Variants in TSGA10 observed in about 807,000 individuals in gnomAD.
TSGA10 encodes testis specific 10, also known as testis-specific gene 10 protein.
In TSGA10, 43 loss-of-function variants were observed where a neutral mutation model predicts 96.6. The observed-to-expected ratio is 0.44, with a 90% CI of 0.35 to 0.57. The LOEUF (loss-of-function observed/expected upper bound fraction) is 0.57, where lower values mean the gene tolerates loss of function less well. TSGA10 is among the 20% of genes least tolerant of loss of function. The pLI, the probability that TSGA10 is intolerant of heterozygous loss-of-function variation, is 0.01. For missense variants in TSGA10, 703 were observed against 834.4 expected (o/e 0.84, Z 1.94); for synonymous variants, 229 against 269.9 (o/e 0.85, Z 1.48).
chr2:99,060,895 C>A (rs1480911252), intron 16 of TSGA10, among the ~76,000 whole-genome samples: 1 of 152,080 alleles, frequency 6.6e-6, no homozygotes, highest in Non-Finnish European at 1.5e-5. Context: ...GAACCTTGAC[C>A]CTTATCTTAC....
intron 17 of TSGA10, 69 bp from the exon 18 acceptor site, chr2:99,020,551 C>T: frequency 1.6e-6 from 2 of 1,212,256 alleles, no homozygotes; most frequent in Non-Finnish European, 2.3e-6. Context: ...TTATCAGGGA[C>T]TCACAAAATT....
At chr2:99,042,825 T>C (rs1453456450) in intron 16 of TSGA10, among the ~76,000 whole-genome samples, 1 of 151,890 alleles carries the variant, frequency 6.6e-6, no homozygotes, top group Non-Finnish European at 1.5e-5. Flanking sequence ...TGCCTCAGCC[T>C]CTCAAGTAGC....
intron 20 of TSGA10, among the ~76,000 whole-genome samples, chr2:99,002,340 T>C (rs1400360327): frequency 6.6e-6 from 1 of 152,184 alleles, no homozygotes; most frequent in Non-Finnish European, 1.5e-5. Context: ...TCAACATTCT[T>C]AAAGAAAAGA....
At chr2:99,010,345 G>C (rs935100171) in intron 20 of TSGA10, among the ~76,000 whole-genome samples, 1 of 152,166 alleles carries the variant, frequency 6.6e-6, no homozygotes, top group Non-Finnish European at 1.5e-5. Context: ...AAAACCAAAA[G>C]AATTCACATA....
chr2:99,047,519 C>A lies in TSGA10; in HGVS notation c.1405-12080G>T, dbSNP rs192917006. On this transcript the variant is annotated intron_variant, in intron 16 of 20. Coordinates refer to ENST00000393483, the MANE Select transcript of TSGA10 (RefSeq NM_025244.4). ...TGCAGAAAAGGCCTTTGACAAAATT[C>A]AACAGCTCTTCATGCTAAAAACTCT... Among the ~76,000 whole-genome samples, 319 of 152,298 alleles carry A rather than the reference C, an allele frequency of 2.1e-3. 1 individual carries two copies. Among genetic ancestry groups the A allele is most frequent in the South Asian group, 3.7e-3 (18 of 4,830 alleles).
intron 7 of TSGA10, 68 bp downstream of exon 7, chr2:99,108,764 TC>T (rs2091563059): frequency 1.7e-6 from 2 of 1,209,776 alleles, no homozygotes; most frequent in Non-Finnish European, 2.2e-6. Flanking sequence ...CTCATAAAAC[TC>T]AAAGAAGAAT....
intron 1 of TSGA10, among the ~76,000 whole-genome samples, chr2:99,131,193 GAAT>G (rs1238265740): frequency 6.6e-6 from 1 of 152,030 alleles, no homozygotes; most frequent in Non-Finnish European, 1.5e-5. Context: ...GGACAGCATT[GAAT>G]CTATAAAATA....
chr2:99,142,318 C>A lies in TSGA10; in HGVS notation c.-621+12375G>T, dbSNP rs140302633. ...GACACTAGGTTTTTACAGCAATTCT[C>A]TGATGACCTTGATATGGTAGAACGC... On this transcript the variant is annotated intron_variant, in intron 1 of 20. Transcript: ENST00000393483. 103 of 152,310 alleles carry A rather than the reference C, an allele frequency of 6.8e-4. 1 individual carries two copies. The highest frequency in any genetic ancestry group is 2.3e-3 in the African/African-American group (97 of 41,570). 9.4% of individuals were successfully genotyped at this position (152,310 alleles called of 1,614,324 possible). A position where few individuals can be genotyped will look rare whatever the true frequency, so the allele number is the denominator to read the frequency against.
At chr2:99,014,547 G>A (rs1200112554) in intron 20 of TSGA10, among the ~76,000 whole-genome samples, 2 of 152,070 alleles carry the variant, frequency 1.3e-5, no homozygotes, top group African/African-American at 4.8e-5. Context: ...GTTTGAAAGA[G>A]CACAAATAGA....
chr2:98,999,980 T>C (rs1244318957), intron 20 of TSGA10, among the ~76,000 whole-genome samples: 1 of 152,212 alleles, frequency 6.6e-6, no homozygotes, highest in Non-Finnish European at 1.5e-5. Context: ...GGTCTGTAAC[T>C]CCTAGGCTCA....
At chr2:99,067,505 A>G (rs1273855785) in intron 15 of TSGA10, among the ~76,000 whole-genome samples, 1 of 152,224 alleles carries the variant, frequency 6.6e-6, no homozygotes, top group African/African-American at 2.4e-5. Flanking sequence ...TGTTACTAAC[A>G]GACAAGGGAG....
At chr2:99,041,933 T>C (rs1345865067) in intron 16 of TSGA10, among the ~76,000 whole-genome samples, 4 of 151,084 alleles carry the variant, frequency 2.6e-5, no homozygotes, top group African/African-American at 9.8e-5. Flanking sequence ...TCCAATAAAA[T>C]AATAATATCC....
intron 7 of TSGA10, among the ~76,000 whole-genome samples, chr2:99,106,874 TAC>T (rs944378791): frequency 3.3e-5 from 5 of 152,132 alleles, no homozygotes; most frequent in Non-Finnish European, 7.4e-5. Context: ...CTCCTCTATG[TAC>T]AGTTTTCTCA....
At chr2:99,029,635 T>C (rs955860468) in intron 17 of TSGA10, among the ~76,000 whole-genome samples, 3 of 152,126 alleles carry the variant, frequency 2.0e-5, no homozygotes, top group African/African-American at 7.2e-5. Context: ...ATAGGCTAAA[T>C]AAGAAAAATC....
intron 2 of TSGA10, among the ~76,000 whole-genome samples, chr2:99,119,999 T>C (rs1396215807): frequency 6.6e-6 from 1 of 152,192 alleles, no homozygotes; most frequent in African/African-American, 2.4e-5. Context: ...GGAGATGTTC[T>C]TGGTGCTTCT....
chr2:99,028,527 T>C (rs2080847776), intron 17 of TSGA10, among the ~76,000 whole-genome samples: 1 of 152,186 alleles, frequency 6.6e-6, no homozygotes, highest in African/African-American at 2.4e-5. Context: ...ATATTAACTG[T>C]AGTTACCATG....
rs544454924 is a variant in TSGA10 at position 99,008,262 on chromosome 2, T to A, written c.2072+9938A>T. Among the ~76,000 whole-genome samples, 3 of 151,930 alleles carry A rather than the reference T, an allele frequency of 2.0e-5. No individual in the cohort carries two copies. In the East Asian group the frequency reaches 5.8e-4, roughly 29 times the overall value. On this transcript the variant is annotated intron_variant, in intron 20 of 20. Coordinates refer to ENST00000393483, the MANE Select transcript of TSGA10 (RefSeq NM_025244.4). The stretch of plus-strand genomic sequence containing the variant: ...CAATACAGTAAGATTAAAAGACAAA[T>A]GACAAAAAAGTGAGAAAATATTGGT...
chr2:99,117,699 T>C lies in TSGA10; in HGVS notation c.-295A>G. 4 of 985,816 alleles carry C rather than the reference T, an allele frequency of 4.1e-6. No individual in the cohort carries two copies. Among genetic ancestry groups the C allele is most frequent in the Non-Finnish European group, 4.8e-6 (4 of 829,906 alleles). 61.1% of individuals were successfully genotyped at this position (985,816 alleles called of 1,614,324 possible). ...ACTTGACTGCTTACCACCTCCTTACTATCCAAGAGTTTCCTAACATATTCT... is the reference window on the plus strand; with the variant it reads ...ACTTGACTGCTTACCACCTCCTTACCATCCAAGAGTTTCCTAACATATTCT... On this transcript the variant is annotated 5_prime_UTR_variant, in exon 4 of 21. The change creates a new upstream start codon in the 5' untranslated region. Coordinates refer to ENST00000393483, the MANE Select transcript of TSGA10 (RefSeq NM_025244.4).
intron 12 of TSGA10, among the ~76,000 whole-genome samples, chr2:99,077,630 C>T (rs540183480): frequency 1.0e-3 from 157 of 152,058 alleles, no homozygotes; most frequent in African/African-American, 3.7e-3. Context: ...GGCCCAATCT[C>T]GGCTCACTGC....
Sources: allele counts gnomAD v4.1 joint callset (sites outside exome capture counted in the v4.1 genomes callset), GRCh38; gene constraint gnomAD v4.1.1; transcripts MANE v1.5; gene names NCBI Gene and HGNC (gene_info 2026-07-23, HGNC 2026-07-21).